Variants in NPAS3 observed in about 807,000 individuals in gnomAD.
NPAS3 encodes neuronal PAS domain protein 3.
A neutral mutation model predicts 73.1 loss-of-function variants in NPAS3; 14 were observed. The observed-to-expected ratio is 0.19, with a 90% CI of 0.13 to 0.30. The LOEUF is 0.30. Ranked by LOEUF, NPAS3 falls within the 10% of genes least tolerant of loss-of-function variation. The pLI, the probability that NPAS3 is intolerant of heterozygous loss-of-function variation, is 1.00. For synonymous variants in NPAS3, 620 were observed against 541.5 expected (o/e 1.14, Z -2.01); for missense variants, 1,096 against 1,250.0 (o/e 0.88, Z 1.86).
chr14:33,355,541 G>C (rs55893851), intron 3 of NPAS3, among the ~76,000 whole-genome samples: 33 of 151,906 alleles, frequency 2.2e-4, no homozygotes, highest in African/African-American at 7.7e-4. Context: ...CTCATGATCC[G>C]CCTGCCTCGG....
chr14:33,693,732 T>C (rs886181574), intron 6 of NPAS3, among the ~76,000 whole-genome samples: 1 of 152,220 alleles, frequency 6.6e-6, no homozygotes, highest in African/African-American at 2.4e-5. Flanking sequence ...TAAAAAATAT[T>C]GTTTTCACAT....
intron 5 of NPAS3, among the ~76,000 whole-genome samples, chr14:33,600,099 T>C (rs1422844456): frequency 1.3e-5 from 2 of 152,176 alleles, no homozygotes; most frequent in Non-Finnish European, 2.9e-5. Flanking sequence ...ACAGAACAAA[T>C]CTAGATGTTT....
upstream of NPAS3, chr14:32,935,022 G>C: frequency 7.8e-7 from 1 of 1,288,912 alleles, no homozygotes; most frequent in Admixed American, 3.4e-5. Context: ...TCCCGCCTGG[G>C]CTGGGATAGT....
chr14:33,553,146 T>G (rs72682304), intron 4 of NPAS3, among the ~76,000 whole-genome samples: 2,592 of 152,270 alleles, frequency 0.017, 40 homozygotes, highest in Non-Finnish European at 0.026. Flanking sequence ...TGGCTGGATG[T>G]TCAAATCAAT....
At chr14:33,388,066 A>G (rs1220059620) in intron 4 of NPAS3, among the ~76,000 whole-genome samples, 1 of 152,030 alleles carries the variant, frequency 6.6e-6, no homozygotes, top group Non-Finnish European at 1.5e-5. Flanking sequence ...TCACTGGTGA[A>G]TGTGGTTTTA....
At chr14:32,991,112 A>G (rs960837552) in intron 1 of NPAS3, among the ~76,000 whole-genome samples, 5 of 151,402 alleles carry the variant, frequency 3.3e-5, no homozygotes, top group Admixed American at 3.3e-4. Context: ...CTGGGACTAC[A>G]GACAAGTGTT....
intron 6 of NPAS3, among the ~76,000 whole-genome samples, chr14:33,723,080 A>G (rs2061162141): frequency 6.6e-6 from 1 of 152,202 alleles, no homozygotes; most frequent in Admixed American, 6.5e-5. Context: ...GTCAGACCCC[A>G]TACCTAAGAT....
intron 1 of NPAS3, among the ~76,000 whole-genome samples, chr14:32,962,051 A>G (rs2036945381): frequency 6.6e-6 from 1 of 152,150 alleles, no homozygotes; most frequent in African/African-American, 2.4e-5. Context: ...ACAGGTGATA[A>G]GAAAAAAAAG....
chr14:33,684,339 T>C (rs943405941), intron 6 of NPAS3, among the ~76,000 whole-genome samples: 3 of 151,908 alleles, frequency 2.0e-5, no homozygotes, highest in Non-Finnish European at 4.4e-5. Context: ...GATGATGGAG[T>C]CTCGCTCTGT....
chr14:33,342,165 T>C (rs115643378), intron 3 of NPAS3, among the ~76,000 whole-genome samples: 3,635 of 152,294 alleles, frequency 0.024, 163 homozygotes, highest in African/African-American at 0.082. Context: ...AAAGGGGTTG[T>C]AGGACAGAAG....
At chr14:33,741,456 A>G (rs17101808) in intron 7 of NPAS3, among the ~76,000 whole-genome samples, 4,541 of 152,262 alleles carry the variant, frequency 0.03, 74 homozygotes, top group African/African-American at 0.048. Context: ...GGTTATCCTG[A>G]TGAAAAATGC....
intron 6 of NPAS3, among the ~76,000 whole-genome samples, chr14:33,693,454 G>A (rs10143261): frequency 1.3e-5 from 2 of 152,146 alleles, no homozygotes; most frequent in African/African-American, 4.8e-5. Flanking sequence ...CACATCTAGA[G>A]ACTGTGTTTA....
chr14:33,337,533 C>G (rs1270454585), intron 3 of NPAS3, among the ~76,000 whole-genome samples: 1 of 151,826 alleles, frequency 6.6e-6, no homozygotes, highest in Non-Finnish European at 1.5e-5. Context: ...AGTCCTATGA[C>G]TTTGTTCTTT....
chr14:33,438,846 A>G (rs1214150505), intron 4 of NPAS3, among the ~76,000 whole-genome samples: 3 of 152,224 alleles, frequency 2.0e-5, no homozygotes, highest in Admixed American at 2.0e-4. Flanking sequence ...AGGCATGGGC[A>G]CACCTAAAAT....
chr14:33,675,971 AGT>A (rs1024546573), intron 5 of NPAS3, among the ~76,000 whole-genome samples: 2 of 151,818 alleles, frequency 1.3e-5, no homozygotes, highest in Admixed American at 6.6e-5. Context: ...TGCAAACAAC[AGT>A]GTGTGAGGAA....
intron 2 of NPAS3, among the ~76,000 whole-genome samples, chr14:33,165,786 A>C (rs1308685715): frequency 6.6e-6 from 1 of 152,020 alleles, no homozygotes; most frequent in Non-Finnish European, 1.5e-5. Context: ...CCCCAAACAA[A>C]ACTGTCAAGC....
At chr14:33,409,338 G>A (rs2047813802) in intron 4 of NPAS3, among the ~76,000 whole-genome samples, 2 of 152,012 alleles carry the variant, frequency 1.3e-5, no homozygotes, top group Non-Finnish European at 2.9e-5. Flanking sequence ...CACTTTGGTG[G>A]CCTTTATACT....
At chr14:33,724,041 C>T (rs1476702212) in intron 6 of NPAS3, among the ~76,000 whole-genome samples, 1 of 152,056 alleles carries the variant, frequency 6.6e-6, no homozygotes, top group Admixed American at 6.5e-5. Context: ...TCTCAAATAC[C>T]TGTTAAAAAA....
At chr14:33,419,471 ATATCTT>A (rs895979216) in intron 4 of NPAS3, among the ~76,000 whole-genome samples, 1 of 151,862 alleles carries the variant, frequency 6.6e-6, no homozygotes, top group African/African-American at 2.4e-5. Flanking sequence ...CTTCTTGAAA[ATATCTT>A]TATGTAGTTC....
Sources: gnomAD v4.1 joint callset for allele counts (sites outside exome capture counted in the v4.1 genomes callset) on GRCh38, gnomAD v4.1.1 for gene constraint, MANE v1.5 for transcripts, NCBI Gene and HGNC (gene_info 2026-07-23, HGNC 2026-07-21) for gene names.